The following LHFPL3 variants were observed in gnomAD, a reference collection of about 807,000 sequenced individuals.
The protein encoded by LHFPL3 is LHFPL tetraspan subfamily member 3, also known as LHFPL tetraspan subfamily member 3 protein.
Under a neutral mutation model 19.3 loss-of-function variants are expected in LHFPL3, and 5 were observed. The ratio of observed to expected loss-of-function variants is 0.26; its 90% CI spans 0.14 to 0.54. The LOEUF (loss-of-function observed/expected upper bound fraction) is 0.54. Among genes scored for constraint, LHFPL3 ranks in the 20% least tolerant of loss-of-function variants. The pLI is 0.94. For synonymous variants in LHFPL3, 133 were observed against 126.2 expected (o/e 1.05, Z -0.36); for missense variants, 249 against 307.4 (o/e 0.81, Z 1.42).
At chr7:104,385,681 T>C (rs1005171771) in intron 1 of LHFPL3, among the ~76,000 whole-genome samples, 30 of 152,192 alleles carry the variant, frequency 2.0e-4, no homozygotes, top group Admixed American at 6.5e-5. Context: ...CATTCATTCA[T>C]TCAAGAAGTA....
intron 1 of LHFPL3, among the ~76,000 whole-genome samples, chr7:104,568,533 C>A (rs1790165662): frequency 6.6e-6 from 1 of 152,216 alleles, no homozygotes; most frequent in Non-Finnish European, 1.5e-5. Flanking sequence ...AATACTAGGT[C>A]TTGGATCATC....
intron 2 of LHFPL3, among the ~76,000 whole-genome samples, chr7:104,864,967 T>C (rs1791692341): frequency 6.6e-6 from 1 of 152,028 alleles, no homozygotes; most frequent in Non-Finnish European, 1.5e-5. Context: ...GCAAACAGGG[T>C]CTGGAATGGA....
At position 104,662,007 on chromosome 7, in the gene LHFPL3, G is replaced by T. The variant is rs187254836; in HGVS notation, c.446-74668G>T. ...ATGGCTTAGAGCAGGTAGCATCTAC[G>T]GCATGGATCAGCTGGACAAAGGGAT... is the stretch of plus-strand genomic sequence containing the variant. On this transcript the variant is annotated intron_variant, in intron 1 of 2. Transcript: ENST00000424859. Among the ~76,000 whole-genome samples the T allele has an allele frequency of 1.1e-3, 161 of 151,560 alleles. 1 individual carries two copies. Among genetic ancestry groups the T allele is most frequent in the African/African-American group, 3.7e-3 (155 of 41,526 alleles).
chr7:104,688,685 T>C (rs550079322), intron 1 of LHFPL3, among the ~76,000 whole-genome samples: 1 of 152,196 alleles, frequency 6.6e-6, no homozygotes, highest in South Asian at 2.1e-4. Flanking sequence ...CCTGAGGCAG[T>C]TGCCAGGCAA....
At chr7:104,424,839 G>A (rs374897684) in intron 1 of LHFPL3, among the ~76,000 whole-genome samples, 10 of 152,012 alleles carry the variant, frequency 6.6e-5, no homozygotes, top group East Asian at 1.9e-4. Flanking sequence ...AAAATTAGCC[G>A]GGCGTGGTGG....
At chr7:104,452,540 T>C (rs1259984506) in intron 1 of LHFPL3, among the ~76,000 whole-genome samples, 2 of 152,252 alleles carry the variant, frequency 1.3e-5, no homozygotes, top group African/African-American at 4.8e-5. Context: ...AAAGGCACTT[T>C]ATACCTAATG....
At chr7:104,704,647 T>A (rs894218377) in intron 1 of LHFPL3, among the ~76,000 whole-genome samples, 1 of 152,112 alleles carries the variant, frequency 6.6e-6, no homozygotes, top group East Asian at 1.9e-4. Context: ...TTCTTTTTTT[T>A]TTTTTTTTGA....
chr7:104,516,912 T>TAGACTGTATAAGTAA (rs1239833516), intron 1 of LHFPL3, among the ~76,000 whole-genome samples: 3 of 152,190 alleles, frequency 2.0e-5, no homozygotes, highest in Non-Finnish European at 2.9e-5. Flanking sequence ...CCATCGATGG[T>TAGACTGTATAAGTAA]AGACTGTATA....
At chr7:104,775,677 C>G (rs1307684201) in intron 2 of LHFPL3, among the ~76,000 whole-genome samples, 1 of 152,128 alleles carries the variant, frequency 6.6e-6, no homozygotes, top group Admixed American at 6.5e-5. Flanking sequence ...TCTTTGCTTG[C>G]CCTGAAGCAA....
chr7:104,823,940 G>A (rs1790727567), intron 2 of LHFPL3, among the ~76,000 whole-genome samples: 1 of 151,214 alleles, frequency 6.6e-6, no homozygotes, highest in South Asian at 2.1e-4. Flanking sequence ...GAGGTCCGGA[G>A]TTCGAGACCA....
At chr7:104,579,752 A>G (rs902612911) in intron 1 of LHFPL3, among the ~76,000 whole-genome samples, 2 of 152,196 alleles carry the variant, frequency 1.3e-5, no homozygotes. Flanking sequence ...CCATAATATT[A>G]CCCTGTCAAT....
intron 2 of LHFPL3, among the ~76,000 whole-genome samples, chr7:104,818,223 T>A (rs114774332): frequency 0.011 from 1,749 of 152,244 alleles, 33 homozygotes; most frequent in African/African-American, 0.038. Context: ...TTATTTTCTA[T>A]CAGTTTCAAG....
chr7:104,360,731 G>A (rs1584266523), intron 1 of LHFPL3, among the ~76,000 whole-genome samples: 1 of 110,190 alleles, frequency 9.1e-6, no homozygotes, highest in Non-Finnish European at 1.8e-5. Context: ...GTGTGTGTGT[G>A]TGTGTGTGTG....
intron 1 of LHFPL3, among the ~76,000 whole-genome samples, chr7:104,727,349 T>C (rs1172760949): frequency 6.6e-6 from 1 of 152,220 alleles, no homozygotes; most frequent in Non-Finnish European, 1.5e-5. Flanking sequence ...TTTGTCAATT[T>C]TTGCTTTTGC....
At chr7:104,845,030 G>A (rs989901500) in intron 2 of LHFPL3, among the ~76,000 whole-genome samples, 7 of 152,216 alleles carry the variant, frequency 4.6e-5, no homozygotes, top group Admixed American at 4.6e-4. Context: ...GTAAGCCACC[G>A]CACCCGGCCT....
intron 2 of LHFPL3, among the ~76,000 whole-genome samples, chr7:104,833,002 A>ATACATATATATTATATATAATAGATATAT: frequency 2.3e-5 from 1 of 44,138 alleles, no homozygotes; most frequent in African/African-American, 9.3e-5. Context: ...CATATATATT[A>ATACATATATATTATATATAATAGATATAT]TATATATATA....
At chr7:104,740,085 T>C (rs891866259) in intron 2 of LHFPL3, among the ~76,000 whole-genome samples, 1 of 152,162 alleles carries the variant, frequency 6.6e-6, no homozygotes, top group East Asian at 1.9e-4. Context: ...TTTATAAGTG[T>C]CTGGCATTTC....
chr7:104,818,496 G>C (rs1013193266), intron 2 of LHFPL3, among the ~76,000 whole-genome samples: 4 of 151,662 alleles, frequency 2.6e-5, no homozygotes, highest in Non-Finnish European at 2.9e-5. Context: ...AGCAGAGATC[G>C]TGCCAAATAT....
chr7:104,531,445 A>C (rs1346038146), intron 1 of LHFPL3, among the ~76,000 whole-genome samples: 4 of 152,180 alleles, frequency 2.6e-5, no homozygotes, highest in Non-Finnish European at 2.9e-5. Flanking sequence ...CAGGATCCTA[A>C]CTAACTTTCT....
Sources: gnomAD v4.1 joint callset for allele counts (sites outside exome capture counted in the v4.1 genomes callset) on GRCh38, gnomAD v4.1.1 for gene constraint, MANE v1.5 for transcripts, NCBI Gene and HGNC (gene_info 2026-07-23, HGNC 2026-07-21) for gene names.